SLC25A13: variants seen among roughly 807,000 people sequenced by gnomAD.
The protein encoded by SLC25A13 is solute carrier family 25 member 13.
In SLC25A13, 70 loss-of-function variants were observed where a neutral mutation model predicts 85.5. That is an observed-to-expected ratio of 0.82 (90% CI 0.68 to 1.00). The LOEUF is 1.00. SLC25A13 is among the 50% of genes least tolerant of loss of function. SLC25A13 has a pLI of 0.00. For synonymous variants in SLC25A13, 259 were observed against 288.7 expected (o/e 0.90, Z 1.04); for missense variants, 765 against 819.8 (o/e 0.93, Z 0.82).
intron 3 of SLC25A13, among the ~76,000 whole-genome samples, chr7:96,252,859 A>G (rs532508655): frequency 2.6e-5 from 4 of 152,148 alleles, no homozygotes; most frequent in African/African-American, 9.6e-5. Flanking sequence ...TTTGGGAGGC[A>G]GAGGTGGGTG....
rs569750564 is a variant in SLC25A13, at chr7:96,171,658, A to G, written c.1178-134T>C. 9.9e-5 allele frequency: 73 copies of G among 740,336 alleles called. No individual in the cohort carries two copies. The African/African-American group carries it at 1.2e-3, about 12-fold the overall frequency. The allele number at this position is 740,336 out of a possible 1,614,324, so 45.9% of individuals were successfully genotyped here. ...CAATTTTCTGCTATTACCCTTAATG[A>G]GAATATTTGAAATGGAATGTTTAAG... On this transcript the variant is annotated intron_variant, in intron 11 of 17. Transcript: ENST00000265631.
intron 11 of SLC25A13, among the ~76,000 whole-genome samples, chr7:96,171,997 G>A (rs542708600): frequency 7.3e-4 from 111 of 151,780 alleles, no homozygotes; most frequent in African/African-American, 2.5e-3. Context: ...CACACACCAA[G>A]CTAACCCTGA....
intron 2 of SLC25A13, among the ~76,000 whole-genome samples, chr7:96,293,929 G>C (rs1214322452): frequency 1.3e-5 from 2 of 152,054 alleles, no homozygotes; most frequent in Non-Finnish European, 2.9e-5. Context: ...CCCATTACTG[G>C]GTATATACCC....
At chr7:96,183,882 T>C (rs796438083) in intron 11 of SLC25A13, among the ~76,000 whole-genome samples, 3 of 152,318 alleles carry the variant, frequency 2.0e-5, no homozygotes, top group African/African-American at 7.2e-5. Context: ...CCCTTCGTTA[T>C]CTTTTTTGTG....
intron 9 of SLC25A13, among the ~76,000 whole-genome samples, chr7:96,188,247 C>T (rs1163777616): frequency 1.3e-5 from 2 of 152,214 alleles, no homozygotes; most frequent in East Asian, 1.9e-4. Flanking sequence ...TCAGAGAAAT[C>T]GGCTTCCTCT....
chr7:96,272,570 G>GT (rs1798285082), intron 3 of SLC25A13, among the ~76,000 whole-genome samples: 1 of 152,154 alleles, frequency 6.6e-6, no homozygotes. Context: ...ACGGTCCAAG[G>GT]TGAGCCTGGA....
At chr7:96,247,062 TCA>T (rs1797218046) in intron 3 of SLC25A13, among the ~76,000 whole-genome samples, 2 of 152,354 alleles carry the variant, frequency 1.3e-5, no homozygotes, top group Admixed American at 6.5e-5. Context: ...CAGTAATTTT[TCA>T]CAGTCAATTA....
In SLC25A13 at chr7:96,193,118, G is replaced by C. The variant is rs776288888; in HGVS notation, c.534C>G (p.Val178=). 4.3e-6 allele frequency: 7 copies of C among 1,614,108 alleles called. No individual in the cohort carries two copies. Among genetic ancestry groups the C allele is most frequent in the East Asian group, 2.2e-5 (1 of 44,872 alleles). The change falls in exon 6 of 18, where the codon GTC becomes GTG. Residue 178 remains valine (V), a synonymous_variant. Transcript: ENST00000265631. The part of the protein sequence containing the change: ...VQRDNARTGR[V]TAIDFRDIMV... ...TGATGTCTCGGAAGTCGATGGCTGT[G>C]ACTCTCCCAGTCCTAGCATTGTCCC...
intron 2 of SLC25A13, among the ~76,000 whole-genome samples, chr7:96,292,169 A>T (rs1232716037): frequency 6.6e-6 from 1 of 152,212 alleles, no homozygotes; most frequent in Non-Finnish European, 1.5e-5. Flanking sequence ...ACAGAACCAA[A>T]GACAAAAACC....
At chr7:96,137,914 G>A (rs1046911352) in intron 14 of SLC25A13, among the ~76,000 whole-genome samples, 1 of 152,124 alleles carries the variant, frequency 6.6e-6, no homozygotes, top group Non-Finnish European at 1.5e-5. Flanking sequence ...CCTGATTCAC[G>A]AATCATTCAT....
chr7:96,173,770 G>A (rs933464999), intron 11 of SLC25A13, among the ~76,000 whole-genome samples: 5 of 152,094 alleles, frequency 3.3e-5, no homozygotes, highest in African/African-American at 1.2e-4. Flanking sequence ...TTCATCCCCA[G>A]GGCCACAGCT....
At chr7:96,269,952 T>C (rs1312795350) in intron 3 of SLC25A13, among the ~76,000 whole-genome samples, 10 of 152,156 alleles carry the variant, frequency 6.6e-5, no homozygotes, top group Non-Finnish European at 1.5e-5. Flanking sequence ...TGCCAGGGCC[T>C]CCCTTGGGGG....
In SLC25A13 at chr7:96,226,450, G is replaced by A. The variant is rs951038368; in HGVS notation, c.328+8352C>T. On this transcript the variant is annotated intron_variant, in intron 4 of 17. Transcript: ENST00000265631. ...ATTTGGCTGTTGCGAACAGTGCTGC[G>A]ATGAACATGAGAGTTCTGATACCTC... Among the ~76,000 whole-genome samples, 36 of 152,070 alleles carry A rather than the reference G, an allele frequency of 2.4e-4. 1 individual carries two copies.
intron 1 of SLC25A13, among the ~76,000 whole-genome samples, chr7:96,299,137 T>C (rs1799458658): frequency 6.6e-6 from 1 of 152,246 alleles, no homozygotes; most frequent in Admixed American, 6.5e-5. Flanking sequence ...CTTTATGCCA[T>C]GAACTTTGTA....
intron 15 of SLC25A13, among the ~76,000 whole-genome samples, chr7:96,123,254 G>A (rs1176292107): frequency 6.6e-6 from 1 of 151,996 alleles, no homozygotes. Context: ...TTTAACTTTG[G>A]GCCAGGAATT....
chr7:96,241,653 T>G (rs1033761455), intron 3 of SLC25A13, among the ~76,000 whole-genome samples: 1 of 152,174 alleles, frequency 6.6e-6, no homozygotes, highest in Non-Finnish European at 1.5e-5. Context: ...AAATTTAAGA[T>G]TTTTTTCTGC....
intron 1 of SLC25A13, chr7:96,306,802 A>ATAGT: frequency 7.4e-7 from 1 of 1,354,242 alleles, no homozygotes; most frequent in Non-Finnish European, 1.1e-6. Flanking sequence ...TATCATCTCT[A>ATAGT]CCCCCAGGGA....
At chr7:96,233,279 C>T (rs771741833) in intron 4 of SLC25A13, among the ~76,000 whole-genome samples, 9 of 152,214 alleles carry the variant, frequency 5.9e-5, no homozygotes, top group Non-Finnish European at 1.0e-4. Flanking sequence ...TCACCAAACT[C>T]GCTTCCATTG....
chr7:96,140,635 C>G (rs1171922263), intron 14 of SLC25A13, among the ~76,000 whole-genome samples: 1 of 151,924 alleles, frequency 6.6e-6, no homozygotes, highest in Non-Finnish European at 1.5e-5. Flanking sequence ...GATCTCCTGA[C>G]CTCGTGATCT....
Sources: allele counts gnomAD v4.1 joint callset (sites outside exome capture counted in the v4.1 genomes callset), GRCh38; gene constraint gnomAD v4.1.1; transcripts MANE v1.5; gene names NCBI Gene and HGNC (gene_info 2026-07-23, HGNC 2026-07-21).